GOLIM4: variants seen among roughly 807,000 people sequenced by gnomAD.
GOLIM4 encodes 130 kDa golgi-localized phosphoprotein.
GOLIM4 carries 71 observed loss-of-function variants against 107.4 expected under a neutral mutation model. That is an observed-to-expected ratio of 0.66 (90% CI 0.55 to 0.81). The LOEUF (loss-of-function observed/expected upper bound fraction) is 0.81, where lower values mean the gene tolerates loss of function less well. GOLIM4 is among the 30% of genes least tolerant of loss of function. GOLIM4 has a pLI of 0.00. For synonymous variants in GOLIM4, 327 were observed against 294.8 expected, an observed-to-expected ratio of 1.11 and a Z score of -1.12; for missense variants, 830 against 826.1, an observed-to-expected ratio of 1.00 and a Z score of -0.06.
chr3:168,076,603 A>C (rs990377158), intron 1 of GOLIM4, among the ~76,000 whole-genome samples: 5 of 152,148 alleles, frequency 3.3e-5, no homozygotes, highest in African/African-American at 1.2e-4. Context: ...AGGCAGAAGA[A>C]TTGCTTGAAC....
chr3:168,068,533 C>T (rs1214684383), intron 1 of GOLIM4, among the ~76,000 whole-genome samples: 1 of 151,820 alleles, frequency 6.6e-6, no homozygotes, highest in Non-Finnish European at 1.5e-5. Flanking sequence ...TTTTTTTCTG[C>T]ATATCCAGTA....
intron 1 of GOLIM4, among the ~76,000 whole-genome samples, chr3:168,081,249 T>C (rs369090180): frequency 2.0e-5 from 3 of 152,166 alleles, no homozygotes; most frequent in Non-Finnish European, 4.4e-5. Context: ...TTCTCCCCAG[T>C]GACTATCACC....
chr3:168,047,896 TA>T (rs1349728588), intron 2 of GOLIM4, among the ~76,000 whole-genome samples: 1 of 152,198 alleles, frequency 6.6e-6, no homozygotes, highest in Non-Finnish European at 1.5e-5. Flanking sequence ...TATGTATGTG[TA>T]TAAAATTTGT....
intron 1 of GOLIM4, among the ~76,000 whole-genome samples, chr3:168,058,542 A>G (rs1282703876): frequency 2.0e-5 from 3 of 152,202 alleles, no homozygotes; most frequent in African/African-American, 7.2e-5. Flanking sequence ...CTCGGGAAAC[A>G]CCAAAGTATA....
At chr3:168,037,172 C>T (rs963528737) in intron 7 of GOLIM4, among the ~76,000 whole-genome samples, 178 bp from the exon 8 acceptor site, 2 of 145,868 alleles carry the variant, frequency 1.4e-5, no homozygotes, top group African/African-American at 5.0e-5. Context: ...CATTTTTGAG[C>T]GCATGCAAAT....
At chr3:168,046,806 CA>C (rs10663226) in intron 3 of GOLIM4, 143 bp downstream of exon 3, 45,117 of 359,038 alleles carry the variant, frequency 0.13, 278 homozygotes, top group East Asian at 0.2. Context: ...TTTTGGCAGC[CA>C]AAAAAAAAAA....
intron 1 of GOLIM4, among the ~76,000 whole-genome samples, chr3:168,085,883 C>T (rs114373070): frequency 0.012 from 1,783 of 151,992 alleles, 38 homozygotes; most frequent in African/African-American, 0.041. Flanking sequence ...CATATGTTGG[C>T]TGTGTTGAGG....
Position 168,095,501 on chromosome 3 carries a change from A to G in GOLIM4, c.-216T>C. 1.9e-6 allele frequency: 1 copy of G among 515,170 alleles called. No homozygotes were observed. The allele number at this position is 515,170 out of a possible 1,614,324, so 31.9% of individuals were successfully genotyped here. ...CGACGCCGCCCGGGCAGCTGCAGCC[A>G]AACTTCTGCGAGGCTCGTTCTCCGC... On this transcript the variant is annotated 5_prime_UTR_variant, in exon 1 of 16. Coordinates refer to ENST00000470487, the MANE Select transcript of GOLIM4 (RefSeq NM_014498.5).
Position 168,029,764 on chromosome 3 carries a change from G to A in GOLIM4, c.1433+16C>T, listed in dbSNP as rs200800329. 3 of 1,609,900 alleles carry A rather than the reference G, an allele frequency of 1.9e-6. No individual in the cohort carries two copies. The highest frequency in any genetic ancestry group is 2.2e-5 in the East Asian group (1 of 44,812). ...AGCAGGGGCTGTCTTCGTTCATTAA[G>A]GAAGGGGAAGGCTACCGGAGCTGCT... On this transcript the variant is annotated intron_variant, in intron 10 of 15. Coordinates refer to ENST00000470487, the MANE Select transcript of GOLIM4 (RefSeq NM_014498.5).
Position 168,059,894 on chromosome 3 carries a change from A to G in GOLIM4, c.188-11529T>C, listed in dbSNP as rs1000734639. Among the ~76,000 whole-genome samples, 7 of 152,132 alleles carry G rather than the reference A, an allele frequency of 4.6e-5. 1 individual carries two copies. Among genetic ancestry groups the G allele is most frequent in the Admixed American group, 4.6e-4 (7 of 15,272 alleles). The stretch of plus-strand genomic sequence containing the variant: ...CAGATATCTAGGGGGAGACTCTTCC[A>G]AAATAGAGGGAGTAACCCATAGGAA... On this transcript the variant is annotated intron_variant, in intron 1 of 15. Coordinates refer to ENST00000470487, the MANE Select transcript of GOLIM4 (RefSeq NM_014498.5).
At chr3:168,087,307 A>C (rs1054444063) in intron 1 of GOLIM4, among the ~76,000 whole-genome samples, 3 of 152,176 alleles carry the variant, frequency 2.0e-5, no homozygotes, top group Non-Finnish European at 4.4e-5. Context: ...ACAATTATCA[A>C]ATTCTAGCTA....
chr3:168,037,065 C>T, intron 7 of GOLIM4, 71 bp from the exon 8 acceptor site: 1 of 696,980 alleles, frequency 1.4e-6, no homozygotes, highest in Non-Finnish European at 2.2e-6. Context: ...TTTGGGTACA[C>T]TGTAAAACTA....
intron 9 of GOLIM4, 86 bp downstream of exon 9, chr3:168,032,434 A>C (rs1577519086): frequency 1.1e-6 from 1 of 904,534 alleles, no homozygotes; most frequent in East Asian, 2.4e-5. Context: ...TCTATTTTAG[A>C]GATTGTGATA....
At chr3:168,042,563 G>A (rs753728859) in intron 5 of GOLIM4, among the ~76,000 whole-genome samples, 6 of 152,224 alleles carry the variant, frequency 3.9e-5, no homozygotes, top group Non-Finnish European at 7.3e-5. Context: ...TTACAGGCGT[G>A]AGCCACCGTC....
At chr3:168,018,644 C>CCGT (rs1577504195) in intron 14 of GOLIM4, among the ~76,000 whole-genome samples, 1 of 152,134 alleles carries the variant, frequency 6.6e-6, no homozygotes, top group East Asian at 1.9e-4. Context: ...AGTGACATTC[C>CCGT]ACAGGACATT....
At chr3:168,064,601 G>GT (rs1720445188) in intron 1 of GOLIM4, among the ~76,000 whole-genome samples, 1 of 123,866 alleles carries the variant, frequency 8.1e-6, no homozygotes, top group Non-Finnish European at 1.8e-5. Context: ...AATACTTGGG[G>GT]ATTTTTTTTT....
At chr3:168,025,180 A>C in intron 12 of GOLIM4, 85 bp from the exon 13 acceptor site, 1 of 1,065,852 alleles carries the variant, frequency 9.4e-7, no homozygotes, top group Non-Finnish European at 1.4e-6. Context: ...CCACTGGCAG[A>C]AAATGAAATT....
intron 1 of GOLIM4, among the ~76,000 whole-genome samples, chr3:168,057,643 T>G (rs1405284511): frequency 6.6e-6 from 1 of 152,206 alleles, no homozygotes; most frequent in East Asian, 1.9e-4. Flanking sequence ...GGGATTACAA[T>G]TCTAGATGAG....
Position 168,016,195 on chromosome 3 carries a change from G to C in GOLIM4, c.1861-5372C>G, listed in dbSNP as rs1469715377. Among the ~76,000 whole-genome samples the C allele has an allele frequency of 3.0e-3, 373 of 124,598 alleles. 8 individuals are homozygous for C. The highest frequency in any genetic ancestry group is 0.016 in the African/African-American group (307 of 19,500). 81.7% of individuals were successfully genotyped at this position (124,598 alleles called of 152,430 possible). ...ACAATGAACTCAAACAAATTTACAA[G>C]AAAAAAACAAACAACCCCATCAAAA... On this transcript the variant is annotated intron_variant, in intron 14 of 15. Coordinates refer to ENST00000470487, the MANE Select transcript of GOLIM4 (RefSeq NM_014498.5).
Sources: gnomAD v4.1 joint callset for allele counts (sites outside exome capture counted in the v4.1 genomes callset) on GRCh38, gnomAD v4.1.1 for gene constraint, MANE v1.5 for transcripts, NCBI Gene and HGNC (gene_info 2026-07-23, HGNC 2026-07-21) for gene names.